The following UBQLN1 variants were observed in gnomAD, a reference collection of about 807,000 sequenced individuals.
UBQLN1 encodes the protein ubiquilin-1.
Under a neutral mutation model 65.4 loss-of-function variants are expected in UBQLN1, and 13 were observed. The observed-to-expected ratio is 0.20, with a 90% CI of 0.13 to 0.32. UBQLN1 has a LOEUF of 0.32. Ranked by LOEUF, UBQLN1 falls within the 10% of genes least tolerant of loss-of-function variation. The probability of loss-of-function intolerance (pLI) is 1.00; values close to 1 mark genes in which losing one functional copy is unlikely to be tolerated. For synonymous variants in UBQLN1, 267 were observed against 247.8 expected, an observed-to-expected ratio of 1.08 and a Z score of -0.73; for missense variants, 561 against 724.0, an observed-to-expected ratio of 0.77 and a Z score of 2.58.
At chr9:83,693,309 T>G (rs1832158170) in intron 1 of UBQLN1, among the ~76,000 whole-genome samples, 1 of 152,192 alleles carries the variant, frequency 6.6e-6, no homozygotes, top group East Asian at 1.9e-4. Flanking sequence ...GAAGGTTACC[T>G]CTGTTTGAGC....
chr9:83,676,740 A>G (rs1370329566), intron 6 of UBQLN1, among the ~76,000 whole-genome samples: 1 of 152,182 alleles, frequency 6.6e-6, no homozygotes, highest in Non-Finnish European at 1.5e-5. Flanking sequence ...TTCCTCTGCC[A>G]AAGTACAGGC....
chr9:83,670,662 A>G (rs1831714405), intron 6 of UBQLN1, among the ~76,000 whole-genome samples: 1 of 152,218 alleles, frequency 6.6e-6, no homozygotes, highest in African/African-American at 2.4e-5. Context: ...AAATAAGACA[A>G]CGATGAAGTT....
At chr9:83,700,651 G>T (rs1397799530) in intron 1 of UBQLN1, among the ~76,000 whole-genome samples, 1 of 152,170 alleles carries the variant, frequency 6.6e-6, no homozygotes, top group African/African-American at 2.4e-5. Flanking sequence ...AAGATTTAAA[G>T]ATGGAAAAGG....
Position 83,690,397 on chromosome 9 carries a change from G to C in UBQLN1, c.181-4242C>G, listed in dbSNP as rs149481293. On this transcript the variant is annotated intron_variant, in intron 1 of 10. Coordinates refer to ENST00000376395, the MANE Select transcript of UBQLN1 (RefSeq NM_013438.5). ...TTAAGGGTTGGGGACAAAATCCATG[G>C]TGCCCAAAGTGAGAATAGTGGTTAC... 9.9e-5 allele frequency among the ~76,000 whole-genome samples: 15 copies of C among 152,152 alleles called. No homozygotes were observed. The East Asian group carries it at 2.9e-3, about 29-fold the overall frequency.
At chr9:83,684,723 A>G (rs1430742505) in intron 2 of UBQLN1, among the ~76,000 whole-genome samples, 2 of 151,588 alleles carry the variant, frequency 1.3e-5, no homozygotes, top group Non-Finnish European at 2.9e-5. Flanking sequence ...AGGCGGGAGA[A>G]TCGCTTGAAC....
Sources: allele counts gnomAD v4.1 joint callset (sites outside exome capture counted in the v4.1 genomes callset), GRCh38; gene constraint gnomAD v4.1.1; transcripts MANE v1.5; gene names NCBI Gene and HGNC (gene_info 2026-07-23, HGNC 2026-07-21).